ZBTB20: variants seen among roughly 807,000 people sequenced by gnomAD.
The protein encoded by ZBTB20 is zinc finger and BTB domain containing 20.
In ZBTB20, 9 loss-of-function variants were observed where a neutral mutation model predicts 56.9. The observed-to-expected ratio is 0.16, with a 90% CI of 0.10 to 0.28. The LOEUF (loss-of-function observed/expected upper bound fraction) is 0.28. Ranked by LOEUF, ZBTB20 falls within the 10% of genes least tolerant of loss-of-function variation. The pLI, the probability that ZBTB20 is intolerant of heterozygous loss-of-function variation, is 1.00. For missense variants in ZBTB20, 655 were observed against 1,003.0 expected (o/e 0.65, Z 4.69); for synonymous variants, 417 against 420.7 (o/e 0.99, Z 0.11).
intron 7 of ZBTB20, among the ~76,000 whole-genome samples, chr3:114,439,069 C>T (rs1202047347): frequency 6.6e-6 from 1 of 152,164 alleles, no homozygotes; most frequent in African/African-American, 2.4e-5. Flanking sequence ...TGCAACTGCA[C>T]TGGCTTCTGC....
chr3:114,581,647 T>C (rs1577729590), intron 6 of ZBTB20, among the ~76,000 whole-genome samples: 1 of 147,894 alleles, frequency 6.8e-6, no homozygotes, highest in South Asian at 2.1e-4. Context: ...GGACAAAAGA[T>C]GCAAATTAGG....
At chr3:114,350,233 T>C in intron 11 of ZBTB20, 41 bp downstream of exon 11, 1 of 1,559,924 alleles carries the variant, frequency 6.4e-7, no homozygotes. Context: ...CACAGCCCCC[T>C]CAGCCCCTGC....
chr3:114,649,700 ATTG>A (rs1018600118), intron 6 of ZBTB20, among the ~76,000 whole-genome samples: 6 of 151,972 alleles, frequency 3.9e-5, no homozygotes, highest in East Asian at 3.8e-4. Flanking sequence ...TGAATTCAGT[ATTG>A]TTGTTGTTGG....
intron 4 of ZBTB20, among the ~76,000 whole-genome samples, chr3:114,838,916 T>C (rs1424784159): frequency 6.6e-6 from 1 of 152,078 alleles, no homozygotes; most frequent in African/African-American, 2.4e-5. Flanking sequence ...TACAACCAAA[T>C]GGGGTAGATG....
At chr3:114,765,033 T>G (rs2068690804) in intron 5 of ZBTB20, among the ~76,000 whole-genome samples, 1 of 152,110 alleles carries the variant, frequency 6.6e-6, no homozygotes. Flanking sequence ...TACAATGATA[T>G]CTGTAAGAAA....
chr3:115,059,049 C>T (rs1039753390), intron 2 of ZBTB20, among the ~76,000 whole-genome samples: 1 of 152,110 alleles, frequency 6.6e-6, no homozygotes, highest in East Asian at 1.9e-4. Flanking sequence ...TTATGCCACT[C>T]ATTTCTCTCC....
rs2079114766 is a variant in ZBTB20 at position 114,327,941 on chromosome 3, GA to G, written c.*11063del. 1 of 152,160 alleles carries G rather than the reference GA, an allele frequency of 6.6e-6. No individual in the cohort carries two copies. The highest frequency in any genetic ancestry group is 1.5e-5 in the Non-Finnish European group (1 of 68,028). 9.4% of individuals were successfully genotyped at this position (152,160 alleles called of 1,614,324 possible). A position where few individuals can be genotyped will look rare whatever the true frequency, so the allele number is the denominator to read the frequency against. On this transcript the variant is annotated 3_prime_UTR_variant, in exon 12 of 12. Transcript: ENST00000675478. ...AAGCATCCTGAAAAGGATACACCCAGAATGGTATCAGTCAGTCTTTTGGGCA... is the reference window on the plus strand; with the variant it reads ...AAGCATCCTGAAAAGGATACACCCAGATGGTATCAGTCAGTCTTTTGGGCA...
chr3:114,769,169 A>G (rs1578783547), intron 5 of ZBTB20, among the ~76,000 whole-genome samples: 1 of 152,134 alleles, frequency 6.6e-6, no homozygotes. Context: ...GTGTACGTTT[A>G]ATCATTTTGT....
intron 3 of ZBTB20, among the ~76,000 whole-genome samples, chr3:114,912,564 G>C (rs1361529441): frequency 6.6e-6 from 1 of 151,796 alleles, no homozygotes; most frequent in Non-Finnish European, 1.5e-5. Context: ...AAAGGCAAAT[G>C]GAGTATCCAT....
intron 6 of ZBTB20, among the ~76,000 whole-genome samples, chr3:114,595,555 T>C (rs1363147217): frequency 6.6e-6 from 1 of 152,208 alleles, no homozygotes; most frequent in Non-Finnish European, 1.5e-5. Context: ...GAGTTACTGC[T>C]GGTTCAATGA....
chr3:114,702,302 C>G (rs1396890569), intron 5 of ZBTB20, among the ~76,000 whole-genome samples: 1 of 152,186 alleles, frequency 6.6e-6, no homozygotes. Context: ...GAGCCATGAT[C>G]GTGCTACTGC....
At chr3:115,024,828 T>C (rs1189939193) in intron 2 of ZBTB20, among the ~76,000 whole-genome samples, 1 of 151,218 alleles carries the variant, frequency 6.6e-6, no homozygotes, top group African/African-American at 2.4e-5. Flanking sequence ...ACATATTCAC[T>C]AAGAAAATAC....
chr3:114,681,004 T>C (rs918653693), intron 6 of ZBTB20, among the ~76,000 whole-genome samples: 60 of 152,158 alleles, frequency 3.9e-4, no homozygotes, highest in African/African-American at 1.4e-3. Context: ...TTAATGGCAA[T>C]GCAAGAGAAG....
intron 1 of ZBTB20, among the ~76,000 whole-genome samples, chr3:115,079,996 A>G (rs1429622552): frequency 6.6e-6 from 1 of 152,196 alleles, no homozygotes; most frequent in Non-Finnish European, 1.5e-5. Flanking sequence ...ACAGATGAGG[A>G]AAATAGCTCA....
intron 6 of ZBTB20, among the ~76,000 whole-genome samples, chr3:114,615,650 G>C (rs1270009877): frequency 6.6e-6 from 1 of 152,122 alleles, no homozygotes; most frequent in Non-Finnish European, 1.5e-5. Flanking sequence ...TAATATAACT[G>C]CGTTTAGCCC....
intron 6 of ZBTB20, among the ~76,000 whole-genome samples, chr3:114,672,566 C>T (rs1032868633): frequency 6.6e-6 from 1 of 152,102 alleles, no homozygotes; most frequent in African/African-American, 2.4e-5. Context: ...CAAATCAACT[C>T]GAGGTTCCAA....
At chr3:114,444,902 C>T (rs765473322) in intron 7 of ZBTB20, among the ~76,000 whole-genome samples, 1 of 152,092 alleles carries the variant, frequency 6.6e-6, no homozygotes. Flanking sequence ...AAATATAAAA[C>T]ATTGTAATAT....
rs576905920 is a variant in ZBTB20 at position 115,123,224 on chromosome 3, C to G, written c.-703+23995G>C. Among the ~76,000 whole-genome samples, 5 of 152,228 alleles carry G rather than the reference C, an allele frequency of 3.3e-5. No homozygotes were observed. In the East Asian group the frequency reaches 9.6e-4, roughly 29 times the overall value. On this transcript the variant is annotated intron_variant, in intron 1 of 11. Transcript: ENST00000675478. ...AAACATTAGCACTTTGCCATTATCT[C>G]TTAATATTTTTGTGGGCACCTATTT...
At chr3:114,525,010 G>A (rs926650412) in intron 6 of ZBTB20, among the ~76,000 whole-genome samples, 1 of 152,084 alleles carries the variant, frequency 6.6e-6, no homozygotes, top group African/African-American at 2.4e-5. Flanking sequence ...CACTGTGCCT[G>A]GCCTCCAATT....
Sources: gnomAD v4.1 joint callset for allele counts (sites outside exome capture counted in the v4.1 genomes callset) on GRCh38, gnomAD v4.1.1 for gene constraint, MANE v1.5 for transcripts, NCBI Gene and HGNC (gene_info 2026-07-23, HGNC 2026-07-21) for gene names.